Variants in EYS observed in about 807,000 individuals in gnomAD.
EYS encodes protein eyes shut homolog.
In EYS, 250 loss-of-function variants were observed where a neutral mutation model predicts 282.1. That is an observed-to-expected ratio of 0.89 (90% CI 0.80 to 0.98). The LOEUF (loss-of-function observed/expected upper bound fraction) is 0.98. Among genes scored for constraint, EYS ranks in the 50% least tolerant of loss-of-function variants. The probability of loss-of-function intolerance (pLI) is 0.00; values close to 1 mark genes in which losing one functional copy is unlikely to be tolerated. For synonymous variants in EYS, 1,355 were observed against 1,282.9 expected, an observed-to-expected ratio of 1.06 and a Z score of -1.20; for missense variants, 4,016 against 3,709.0, an observed-to-expected ratio of 1.08 and a Z score of -2.15.
Position 64,301,218 on chromosome 6 carries a change from A to G in EYS, c.6191+5752T>C, listed in dbSNP as rs978864542. Among the ~76,000 whole-genome samples, 15 of 152,356 alleles carry G rather than the reference A, an allele frequency of 9.8e-5. No individual in the cohort carries two copies. In the South Asian group the frequency reaches 2.7e-3, roughly 27 times the overall value. On this transcript the variant is annotated intron_variant, in intron 30 of 42. Coordinates refer to ENST00000503581, the MANE Select transcript of EYS (RefSeq NM_001142800.2). The stretch of plus-strand genomic sequence containing the variant: ...GTACCTTAAATGATTATCAGAATTT[A>G]CTAGGCGATATTAACTGGCTTTGGC...
chr6:65,442,786 A>G (rs1017976477), intron 5 of EYS, among the ~76,000 whole-genome samples: 1 of 126,562 alleles, frequency 7.9e-6, no homozygotes, highest in African/African-American at 2.5e-5. Context: ...AAAATTAAAA[A>G]AAAATATATA....
chr6:64,425,317 G>C (rs774406762), intron 28 of EYS, among the ~76,000 whole-genome samples: 5 of 152,146 alleles, frequency 3.3e-5, no homozygotes, highest in Non-Finnish European at 7.4e-5. Context: ...TGGCTACAAT[G>C]TTGAGAAGCA....
At chr6:64,850,961 GT>G (rs1486405727) in intron 19 of EYS, among the ~76,000 whole-genome samples, 1 of 152,078 alleles carries the variant, frequency 6.6e-6, no homozygotes, top group Non-Finnish European at 1.5e-5. Context: ...GTTGGCATAT[GT>G]TGATAATTTG....
chr6:65,533,458 G>A (rs188177941), intron 2 of EYS, among the ~76,000 whole-genome samples: 77 of 152,256 alleles, frequency 5.1e-4, no homozygotes, highest in African/African-American at 1.9e-3. Context: ...AATAGAAAAA[G>A]AGGGAATCCT....
At position 64,841,686 on chromosome 6, in the gene EYS, G is replaced by T. The variant is rs151092819; in HGVS notation, c.2993-18864C>A. 4.7e-4 allele frequency among the ~76,000 whole-genome samples: 71 copies of T among 152,230 alleles called. No homozygotes were observed. The East Asian group carries it at 0.013, about 28-fold the overall frequency. On this transcript the variant is annotated intron_variant, in intron 19 of 42. Transcript: ENST00000503581. ...TAACACTCACTCTCAATGGCCAACT[G>T]TAAAATGTTCAAAGGTTTTGGGAGA...
chr6:64,385,810 T>C (rs200801303), intron 29 of EYS, among the ~76,000 whole-genome samples: 1 of 151,818 alleles, frequency 6.6e-6, no homozygotes, highest in African/African-American at 2.4e-5. Context: ...ACATTTTTTC[T>C]CCAGAAACTG....
chr6:63,849,396 A>G (rs1210210429), intron 36 of EYS, among the ~76,000 whole-genome samples: 1 of 152,118 alleles, frequency 6.6e-6, no homozygotes, highest in Non-Finnish European at 1.5e-5. Context: ...TGACTGGGAG[A>G]TACCTCCCAG....
At chr6:65,627,704 G>A (rs1766762543) in intron 2 of EYS, among the ~76,000 whole-genome samples, 1 of 152,194 alleles carries the variant, frequency 6.6e-6, no homozygotes, top group African/African-American at 2.4e-5. Flanking sequence ...GCTGCGGAGA[G>A]TGAACTGGGT....
chr6:64,354,425 T>A (rs1425849409), intron 29 of EYS, among the ~76,000 whole-genome samples: 1 of 151,604 alleles, frequency 6.6e-6, no homozygotes, highest in Non-Finnish European at 1.5e-5. Context: ...TGCTAGTGAT[T>A]CTGTAGGTGG....
intron 13 of EYS, among the ~76,000 whole-genome samples, chr6:65,005,903 G>T (rs1454881682): frequency 6.6e-6 from 1 of 152,168 alleles, no homozygotes; most frequent in Non-Finnish European, 1.5e-5. Context: ...TCCCGACCAC[G>T]ACTTTTTTGA....
At chr6:64,186,145 G>C (rs149702738) in intron 31 of EYS, among the ~76,000 whole-genome samples, 1,852 of 152,020 alleles carry the variant, frequency 0.012, 37 homozygotes, top group African/African-American at 0.043. Context: ...CCCACCAAAG[G>C]CTGTCACTTG....
chr6:64,441,156 T>C (rs965379468), intron 26 of EYS, among the ~76,000 whole-genome samples: 3 of 152,192 alleles, frequency 2.0e-5, no homozygotes, highest in Non-Finnish European at 2.9e-5. Flanking sequence ...ACGTTGAAGA[T>C]GAAGTCCTTA....
intron 12 of EYS, among the ~76,000 whole-genome samples, chr6:65,205,836 A>G (rs918793171): frequency 6.6e-6 from 1 of 152,002 alleles, no homozygotes; most frequent in Middle Eastern, 3.4e-3. Flanking sequence ...AAGTTTTGAA[A>G]CAAAGAAAAA....
At chr6:64,995,456 G>T (rs1189133318) in intron 14 of EYS, among the ~76,000 whole-genome samples, 1 of 151,938 alleles carries the variant, frequency 6.6e-6, no homozygotes, top group Non-Finnish European at 1.5e-5. Flanking sequence ...CAAACCTGAG[G>T]GTAGTCTTTA....
At chr6:63,919,596 C>A (rs922676605) in intron 35 of EYS, among the ~76,000 whole-genome samples, 2 of 152,274 alleles carry the variant, frequency 1.3e-5, no homozygotes, top group East Asian at 3.9e-4. Flanking sequence ...ATCTCCCAGG[C>A]CAGCTCTTCT....
chr6:65,602,547 C>A (rs1765649079), intron 2 of EYS, among the ~76,000 whole-genome samples: 2 of 151,900 alleles, frequency 1.3e-5, no homozygotes, highest in South Asian at 4.1e-4. Context: ...TTGAAATATG[C>A]CAGACACTGT....
rs549953228 is a variant in EYS, at chr6:64,806,456, A to T, written c.3443+6922T>A. Among the ~76,000 whole-genome samples the T allele has an allele frequency of 9.2e-5, 14 of 152,166 alleles. No homozygotes were observed. In the South Asian group the frequency reaches 2.7e-3, roughly 29 times the overall value. ...CAAATATTTTTTTTAACAATATTATAGGATATCGTGGTCCCTAAGAATATA... is the reference window on the plus strand; with the variant it reads ...CAAATATTTTTTTTAACAATATTATTGGATATCGTGGTCCCTAAGAATATA... On this transcript the variant is annotated intron_variant, in intron 22 of 42. Transcript: ENST00000503581.
intron 14 of EYS, among the ~76,000 whole-genome samples, chr6:64,951,574 G>T (rs977417716): frequency 6.6e-6 from 1 of 151,796 alleles, no homozygotes; most frequent in Admixed American, 6.6e-5. Context: ...ATTGGATAGA[G>T]ATTTAAAAAT....
chr6:64,191,383 C>T (rs1765098792), intron 31 of EYS, among the ~76,000 whole-genome samples: 1 of 151,796 alleles, frequency 6.6e-6, no homozygotes, highest in Admixed American at 6.6e-5. Flanking sequence ...GCACAATGTG[C>T]AGGTTAGTTA....
Sources: gnomAD v4.1 joint callset for allele counts (sites outside exome capture counted in the v4.1 genomes callset) on GRCh38, gnomAD v4.1.1 for gene constraint, MANE v1.5 for transcripts, NCBI Gene and HGNC (gene_info 2026-07-23, HGNC 2026-07-21) for gene names.